Variants in TRIM49C observed in about 807,000 individuals in gnomAD.
The protein encoded by TRIM49C is tripartite motif containing 49C.
A neutral mutation model predicts 21.4 loss-of-function variants in TRIM49C; 6 were observed. The ratio of observed to expected loss-of-function variants is 0.28; its 90% confidence interval spans 0.15 to 0.55. TRIM49C has a LOEUF of 0.55. Ranked by LOEUF, TRIM49C falls within the 20% of genes least tolerant of loss-of-function variation. TRIM49C has a pLI of 0.94. For missense variants in TRIM49C, 161 were observed against 442.4 expected, an observed-to-expected ratio of 0.36 and a Z score of 5.71; for synonymous variants, 57 against 148.1, an observed-to-expected ratio of 0.38 and a Z score of 4.47.
At chr11:90,071,207 C>A in the TRIM49C span, 3 of 490,362 alleles carry the variant, frequency 6.1e-6, 1 homozygote, top group South Asian at 4.5e-5. Flanking sequence ...GAGCACAAGG[C>A]GTGCTGTGAA....
the TRIM49C span, chr11:90,071,231 T>G: frequency 2.1e-6 from 1 of 486,142 alleles, no homozygotes; most frequent in Non-Finnish European, 4.0e-6. Context: ...CATCAAGTTG[T>G]TTCCAACAAA....
the TRIM49C span, among the ~76,000 whole-genome samples, chr11:90,054,431 T>TATTG: frequency 7.3e-6 from 1 of 137,616 alleles, no homozygotes. Flanking sequence ...TTTATTTACT[T>TATTG]ATTTATTCAC....
chr11:90,070,750 A>G, the TRIM49C span, among the ~76,000 whole-genome samples: 1 of 140,996 alleles, frequency 7.1e-6, no homozygotes, highest in Non-Finnish European at 1.5e-5. Context: ...AGTTTTCAAA[A>G]CCTAAAGAGC....
chr11:90,051,750 C>A, the TRIM49C span: 1 of 285,352 alleles, frequency 3.5e-6, no homozygotes, highest in Non-Finnish European at 6.4e-6. Context: ...GAAATACACG[C>A]GGCCCGGTGG....
Position 90,036,941 on chromosome 11 carries a change from A to G in TRIM49C, c.508-808A>G, listed in dbSNP as rs1288833362. Among the ~76,000 whole-genome samples the G allele has an allele frequency of 6.7e-5, 9 of 135,072 alleles. 1 individual carries two copies. In the Middle Eastern group the frequency reaches 0.018, roughly 274 times the overall value. The allele number at this position is 135,072 out of a possible 152,430, so 88.6% of individuals were successfully genotyped here. ...TTTGAGTTTTAAATAGGGTGGTCAG[A>G]AAAAAGACTCACTGAAAAATTCAAA... On this transcript the variant is annotated intron_variant, in intron 4 of 7. Coordinates refer to ENST00000448984, the MANE Select transcript of TRIM49C (RefSeq NM_001195234.1).
downstream of TRIM49C, chr11:90,042,148 A>G (rs1950775270): frequency 1.4e-5 from 2 of 143,264 alleles, no homozygotes; most frequent in African/African-American, 5.3e-5. Flanking sequence ...TGCTGGATTA[A>G]TTGAAATTTT....
chr11:90,043,243 A>G (rs1396259779), downstream of TRIM49C, among the ~76,000 whole-genome samples: 1 of 142,530 alleles, frequency 7.0e-6, no homozygotes, highest in African/African-American at 2.6e-5. Context: ...GAGGCAACAC[A>G]GTGAGACCTC....
the TRIM49C span, among the ~76,000 whole-genome samples, chr11:90,055,658 C>T: frequency 3.4e-4 from 51 of 149,226 alleles, 1 homozygote; most frequent in Non-Finnish European, 6.6e-4. Context: ...TTGTGAAAAA[C>T]ACCAGGTGAT....
chr11:90,042,120 A>T (rs1275726821), downstream of TRIM49C: 1 of 135,900 alleles, frequency 7.4e-6, no homozygotes, highest in East Asian at 2.2e-4. Flanking sequence ...ATTGAAATAC[A>T]CAATGTGATC....
the TRIM49C span, among the ~76,000 whole-genome samples, chr11:90,071,989 T>C: frequency 7.1e-6 from 1 of 141,596 alleles, no homozygotes; most frequent in African/African-American, 2.5e-5. Flanking sequence ...TATAACAAAT[T>C]TCTTGGAAAA....
the TRIM49C span, among the ~76,000 whole-genome samples, chr11:90,055,847 C>G: frequency 7.0e-6 from 1 of 143,622 alleles, no homozygotes; most frequent in Non-Finnish European, 1.5e-5. Context: ...AATGCATCTT[C>G]TGAATCATTT....
intron 4 of TRIM49C, among the ~76,000 whole-genome samples, chr11:90,036,692 G>A (rs578043843): frequency 3.6e-5 from 5 of 138,266 alleles, no homozygotes; most frequent in African/African-American, 1.3e-4. Context: ...AGTATTTCAT[G>A]AGAACCTAGT....
chr11:90,057,760 A>G, the TRIM49C span: 1 of 1,148,274 alleles, frequency 8.7e-7, no homozygotes, highest in Non-Finnish European at 1.2e-6. Flanking sequence ...CTTTGCACAT[A>G]CTGAATTAAA....
At chr11:90,042,982 TA>T (rs1161508483), downstream of TRIM49C, among the ~76,000 whole-genome samples, 2 of 117,050 alleles carry the variant, frequency 1.7e-5, no homozygotes, top group Non-Finnish European at 3.5e-5. Flanking sequence ...TATGCCAATT[TA>T]AACGATAAAA....
chr11:90,038,657 A>C lies in TRIM49C; in HGVS notation c.739-36A>C, dbSNP rs1180922451. Reference sequence around the variant, plus strand: ...ACTTAGTGAAAGATGCATCTTGTGAAATGCACTAAATCTTTCTTCTTTTTT... The same window carrying C: ...ACTTAGTGAAAGATGCATCTTGTGACATGCACTAAATCTTTCTTCTTTTTT... On this transcript the variant is annotated intron_variant, in intron 5 of 7. Coordinates refer to ENST00000448984, the MANE Select transcript of TRIM49C (RefSeq NM_001195234.1). 15 of 880,910 alleles carry C rather than the reference A, an allele frequency of 1.7e-5. 1 individual carries two copies. The highest frequency in any genetic ancestry group is 1.6e-4 in the East Asian group (5 of 30,982). The allele number at this position is 880,910 out of a possible 1,614,324, so 54.6% of individuals were successfully genotyped here. A position where few individuals can be genotyped will look rare whatever the true frequency, so the allele number is the denominator to read the frequency against.
At chr11:90,056,255 C>T in the TRIM49C span, among the ~76,000 whole-genome samples, 16 of 137,994 alleles carry the variant, frequency 1.2e-4, 3 homozygotes, top group East Asian at 1.4e-3. Context: ...CCACCGCGCC[C>T]AGCCCATCTG....
At chr11:90,048,861 GT>G in the TRIM49C span, among the ~76,000 whole-genome samples, 1 of 124,168 alleles carries the variant, frequency 8.1e-6, no homozygotes, top group South Asian at 3.0e-4. Context: ...AGAATTTTCA[GT>G]TTTTCTGCTC....
At chr11:90,038,960 C>T (rs1388906799) in intron 6 of TRIM49C, among the ~76,000 whole-genome samples, 9 of 137,998 alleles carry the variant, frequency 6.5e-5, no homozygotes, top group Non-Finnish European at 4.7e-5. Context: ...GGCTCTGTCG[C>T]CCAGGCTGGA....
rs898770741 is a variant in TRIM49C at position 90,034,216 on chromosome 11, A to G, written c.-4-992A>G. Among the ~76,000 whole-genome samples, 8 of 113,882 alleles carry G rather than the reference A, an allele frequency of 7.0e-5. 2 individuals carry two copies. Among genetic ancestry groups the G allele is most frequent in the Non-Finnish European group, 1.3e-4 (8 of 60,410 alleles). 74.7% of individuals were successfully genotyped at this position (113,882 alleles called of 152,430 possible). A position where few individuals can be genotyped will look rare whatever the true frequency, so the allele number is the denominator to read the frequency against. ...TTGCCTTTTTTCTGCCTTTTTCTTT[A>G]TATCTGAGGTGTCAGCTGATTGGAT... On this transcript the variant is annotated intron_variant, in intron 2 of 7. Transcript: ENST00000448984.
Sources: gnomAD v4.1 joint callset for allele counts (sites outside exome capture counted in the v4.1 genomes callset) on GRCh38, gnomAD v4.1.1 for gene constraint, MANE v1.5 for transcripts, NCBI Gene and HGNC (gene_info 2026-07-23, HGNC 2026-07-21) for gene names.